HTRA1: variants seen among roughly 807,000 people sequenced by gnomAD.
HTRA1 encodes the protein HtrA serine peptidase 1.
In HTRA1, 26 loss-of-function variants were observed where a neutral mutation model predicts 49.7. The observed-to-expected ratio is 0.52, with a 90% CI of 0.38 to 0.73. The LOEUF (loss-of-function observed/expected upper bound fraction) is 0.73, where lower values mean the gene tolerates loss of function less well. Among genes scored for constraint, HTRA1 ranks in the 30% least tolerant of loss-of-function variants. The pLI is 0.00. For missense variants in HTRA1, 561 were observed against 667.2 expected (o/e 0.84, Z 1.75); for synonymous variants, 291 against 286.9 (o/e 1.01, Z -0.14).
At chr10:122,503,982 C>T (rs945234106) in intron 3 of HTRA1, among the ~76,000 whole-genome samples, 2 of 152,166 alleles carry the variant, frequency 1.3e-5, no homozygotes, top group Admixed American at 1.3e-4. Context: ...GGGCAGACTG[C>T]CTGGGTTTGC....
chr10:122,478,613 C>G (rs1001761187), intron 1 of HTRA1, among the ~76,000 whole-genome samples: 2 of 152,048 alleles, frequency 1.3e-5, no homozygotes, highest in African/African-American at 4.8e-5. Flanking sequence ...AGGATGGTCT[C>G]GATTTCCTGA....
intron 7 of HTRA1, 42 bp from the exon 8 acceptor site, chr10:122,511,928 G>A (rs749020548): frequency 6.9e-6 from 10 of 1,447,452 alleles, no homozygotes; most frequent in Middle Eastern, 1.9e-4. Context: ...GGAAGGCCTG[G>A]TGTTTCTTCA....
chr10:122,506,842 G>A lies in HTRA1; in HGVS notation c.929G>A (p.Arg310His), dbSNP rs773364036. The A allele has an allele frequency of 2.0e-5, 33 of 1,613,650 alleles. No individual in the cohort carries two copies. Among genetic ancestry groups the A allele is most frequent in the East Asian group, 6.7e-5 (3 of 44,882 alleles). The change falls in exon 4 of 9, where the codon CGC becomes CAC. Residue 310 changes from arginine to histidine, a missense_variant. Arg to His is a conservative substitution (Grantham distance 29). Coordinates refer to ENST00000368984, the MANE Select transcript of HTRA1 (RefSeq NM_002775.5). The surrounding 1 kb of genome is among the most constrained non-coding windows in gnomAD (Gnocchi z 5.2). ...TQRGGKELGLRNSDMDYIQTD... is the reference protein window; with the variant it reads ...TQRGGKELGLHNSDMDYIQTD... ...CGAGGCGGCAAAGAGCTGGGGCTCC[G>A]CAACTCAGACATGGACTACATCCAG...
At chr10:122,493,161 G>A (rs984029640) in intron 3 of HTRA1, among the ~76,000 whole-genome samples, 10 of 152,212 alleles carry the variant, frequency 6.6e-5, no homozygotes, top group East Asian at 5.8e-4. Flanking sequence ...AGACAATCAC[G>A]GACCAGCCCC....
At chr10:122,462,264 C>CCCCG in intron 1 of HTRA1, 140 bp downstream of exon 1, 1 of 765,222 alleles carries the variant, frequency 1.3e-6, no homozygotes, top group East Asian at 2.9e-5. Context: ...GGCAGGTGGG[C>CCCCG]CCCGGGGTGG....
At chr10:122,508,830 CT>C in intron 6 of HTRA1, 60 bp downstream of exon 6, 1 of 1,017,758 alleles carries the variant, frequency 9.8e-7, no homozygotes, top group Non-Finnish European at 1.6e-6. Context: ...CTCAGCTGCC[CT>C]TTGGGACTTG....
chr10:122,492,864 G>T (rs1431279971), intron 3 of HTRA1, among the ~76,000 whole-genome samples: 6 of 152,094 alleles, frequency 3.9e-5, no homozygotes, highest in African/African-American at 7.2e-5. Flanking sequence ...CCTTGGAATC[G>T]CAAAGTGAAG....
intron 1 of HTRA1, among the ~76,000 whole-genome samples, chr10:122,476,710 G>C (rs995236120): frequency 2.6e-5 from 4 of 152,036 alleles, no homozygotes; most frequent in African/African-American, 4.8e-5. Flanking sequence ...AGGTGGGGGG[G>C]CCTTCCGCTG....
chr10:122,491,204 A>T (rs890181880), intron 3 of HTRA1, among the ~76,000 whole-genome samples: 3 of 152,212 alleles, frequency 2.0e-5, no homozygotes, highest in African/African-American at 7.2e-5. Context: ...GGCTCAGAGA[A>T]GTCTAGTAAC....
At chr10:122,482,927 A>C (rs2097491647) in intron 1 of HTRA1, among the ~76,000 whole-genome samples, 1 of 151,546 alleles carries the variant, frequency 6.6e-6, no homozygotes, top group Admixed American at 6.6e-5. Context: ...CAAAAAAAAA[A>C]AAAAAAAAAA....
rs777190269 is a variant in HTRA1, at chr10:122,511,973, A to G, written c.1182A>G (p.Lys394=). Residue 394 remains lysine, a synonymous_variant, in exon 8 of 9, where the codon AAA becomes AAG. Transcript: ENST00000368984. ...GGGTGCTTTTTCTCTGGAGCAGCAA[A>G]GCCAAAGAGCTGAAGGACCGGCACC... ...GIRMMSLTSS[K]AKELKDRHRD... 8 of 1,613,592 alleles carry G rather than the reference A, an allele frequency of 5.0e-6. No homozygotes were observed. The African/African-American group carries it at 9.3e-5, about 19-fold the overall frequency.
intron 1 of HTRA1, among the ~76,000 whole-genome samples, chr10:122,488,137 G>A (rs1298712516): frequency 2.0e-5 from 3 of 152,138 alleles, no homozygotes; most frequent in African/African-American, 2.4e-5. Flanking sequence ...AATCTCAGAT[G>A]TACCCGTCTG....
intron 1 of HTRA1, among the ~76,000 whole-genome samples, chr10:122,483,617 C>T (rs1193154173): frequency 1.3e-5 from 2 of 152,178 alleles, no homozygotes; most frequent in Non-Finnish European, 2.9e-5. Flanking sequence ...TACAAAAACT[C>T]CTGCTCAGAA....
At chr10:122,503,896 T>C (rs556600425) in intron 3 of HTRA1, among the ~76,000 whole-genome samples, 6 of 152,298 alleles carry the variant, frequency 3.9e-5, no homozygotes, top group African/African-American at 1.4e-4. Flanking sequence ...GTGGTGCCCA[T>C]TGGTGCAGCC....
intron 4 of HTRA1, 24 bp from the exon 5 acceptor site, chr10:122,507,346 C>T (rs1565434463): frequency 6.2e-7 from 1 of 1,605,536 alleles, no homozygotes; most frequent in African/African-American, 1.3e-5. Context: ...GATTTGTAAC[C>T]TTTTCATTTC....
At chr10:122,496,228 C>CTTTTTTTTTTTTTT (rs71026021) in intron 3 of HTRA1, among the ~76,000 whole-genome samples, 2 of 75,646 alleles carry the variant, frequency 2.6e-5, no homozygotes, top group African/African-American at 1.1e-4. Context: ...ATTGTGGGTT[C>CTTTTTTTTTTTTTT]TTTTTTTTTT....
intron 1 of HTRA1, among the ~76,000 whole-genome samples, chr10:122,472,335 C>T (rs2097486482): frequency 6.7e-6 from 1 of 149,622 alleles, no homozygotes; most frequent in Non-Finnish European, 1.5e-5. Context: ...TCATATTTCA[C>T]CATCATCTCC....
chr10:122,495,038 C>T (rs1187766405), intron 3 of HTRA1, among the ~76,000 whole-genome samples: 1 of 152,000 alleles, frequency 6.6e-6, no homozygotes, highest in Non-Finnish European at 1.5e-5. Flanking sequence ...CGCCGGTTCT[C>T]CTCAGGCAAC....
At chr10:122,480,739 C>T (rs1591029409) in intron 1 of HTRA1, among the ~76,000 whole-genome samples, 1 of 152,180 alleles carries the variant, frequency 6.6e-6, no homozygotes. Context: ...GGAATTGGCA[C>T]CTTCTCCCAC....
Sources: gnomAD v4.1 joint callset for allele counts (sites outside exome capture counted in the v4.1 genomes callset) on GRCh38, gnomAD v4.1.1 for gene constraint, Gnocchi (gnomAD v3.1) non-coding constraint, MANE v1.5 for transcripts, NCBI Gene and HGNC (gene_info 2026-07-23, HGNC 2026-07-21) for gene names.